Variants in PLD5 observed in about 807,000 individuals in gnomAD.
The protein encoded by PLD5 is inactive phospholipase D5.
In PLD5, 36 loss-of-function variants were observed where a neutral mutation model predicts 61.1. That is an observed-to-expected ratio of 0.59 (90% CI 0.45 to 0.78). The LOEUF is 0.78. PLD5 is among the 30% of genes least tolerant of loss of function. The pLI, the probability that PLD5 is intolerant of heterozygous loss-of-function variation, is 0.00. For synonymous variants in PLD5, 243 were observed against 242.8 expected, an observed-to-expected ratio of 1.00 and a Z score of -0.01; for missense variants, 515 against 644.4, an observed-to-expected ratio of 0.80 and a Z score of 2.17.
chr1:242,349,831 G>T (rs1660372230), intron 1 of PLD5, among the ~76,000 whole-genome samples: 1 of 152,176 alleles, frequency 6.6e-6, no homozygotes, highest in Non-Finnish European at 1.5e-5. Flanking sequence ...AGTAGATGGG[G>T]ACTTTTGGGA....
At chr1:242,400,255 C>A (rs1441662678) in intron 1 of PLD5, among the ~76,000 whole-genome samples, 1 of 132,906 alleles carries the variant, frequency 7.5e-6, no homozygotes, top group Admixed American at 7.7e-5. Flanking sequence ...CCCCTTCCCA[C>A]CCACCCCCAC....
chr1:242,203,523 C>T (rs562230394), intron 5 of PLD5: 1 of 152,336 alleles, frequency 6.6e-6, no homozygotes, highest in Non-Finnish European at 1.5e-5. Context: ...GGAGGTGGAT[C>T]CCTCATGAGC....
intron 1 of PLD5, among the ~76,000 whole-genome samples, chr1:242,490,811 G>A (rs1462668228): frequency 6.6e-6 from 1 of 152,132 alleles, no homozygotes; most frequent in African/African-American, 2.4e-5. Context: ...GATGCTCCCT[G>A]AAGCCTTGGC....
intron 2 of PLD5, among the ~76,000 whole-genome samples, chr1:242,346,579 T>A (rs1466853070): frequency 6.6e-6 from 1 of 152,212 alleles, no homozygotes; most frequent in Non-Finnish European, 1.5e-5. Context: ...ATTACAGTAA[T>A]CACAAAACAA....
chr1:242,312,234 ATTT>A (rs55943187), intron 2 of PLD5, among the ~76,000 whole-genome samples: 168 of 148,672 alleles, frequency 1.1e-3, no homozygotes, highest in African/African-American at 4.0e-3. Context: ...AACAGGCCAG[ATTT>A]TTTTTTTTAA....
chr1:242,226,897 T>C (rs1472386198), intron 4 of PLD5, among the ~76,000 whole-genome samples: 1 of 152,220 alleles, frequency 6.6e-6, no homozygotes, highest in Non-Finnish European at 1.5e-5. Flanking sequence ...AATTCTGTGT[T>C]AAAATTTAAG....
intron 2 of PLD5, among the ~76,000 whole-genome samples, chr1:242,310,008 C>T (rs888150388): frequency 1.3e-5 from 2 of 151,310 alleles, no homozygotes; most frequent in African/African-American, 4.9e-5. Flanking sequence ...TCAGTCTTCA[C>T]ACTTAAATGC....
chr1:242,161,002 G>T (rs1283085920), intron 5 of PLD5, among the ~76,000 whole-genome samples: 1 of 127,824 alleles, frequency 7.8e-6, no homozygotes, highest in East Asian at 2.1e-4. Flanking sequence ...CAGCATATGG[G>T]GACTTATATT....
chr1:242,313,246 C>T (rs1220155536), intron 2 of PLD5, among the ~76,000 whole-genome samples: 1 of 152,210 alleles, frequency 6.6e-6, no homozygotes, highest in Non-Finnish European at 1.5e-5. Flanking sequence ...GCTTTAATCA[C>T]AAACTTTTCC....
chr1:242,252,358 G>T (rs1672751663), intron 4 of PLD5, among the ~76,000 whole-genome samples: 1 of 152,158 alleles, frequency 6.6e-6, no homozygotes. Context: ...TCACTCATGA[G>T]GATAATGAAT....
chr1:242,492,447 G>A (rs147468756), intron 1 of PLD5, among the ~76,000 whole-genome samples: 55 of 148,018 alleles, frequency 3.7e-4, no homozygotes, highest in African/African-American at 8.8e-4. Flanking sequence ...GCTTGAGCCC[G>A]GGAGGCAGAG....
intron 1 of PLD5, among the ~76,000 whole-genome samples, chr1:242,398,426 T>C (rs1383894369): frequency 6.6e-6 from 1 of 152,212 alleles, no homozygotes; most frequent in African/African-American, 2.4e-5. Flanking sequence ...AACAACTCCA[T>C]TATGATCACT....
intron 7 of PLD5, among the ~76,000 whole-genome samples, chr1:242,111,515 A>G (rs1661498403): frequency 6.6e-6 from 1 of 152,008 alleles, no homozygotes; most frequent in South Asian, 2.1e-4. Flanking sequence ...TTGGGAGTGT[A>G]TGATTTTTTT....
rs1170466004 is a variant in PLD5 at position 242,088,833 on chromosome 1, A to C, written c.*1021T>G. 6.5e-6 allele frequency: 1 copy of C among 152,760 alleles called. No individual in the cohort carries two copies. The highest frequency in any genetic ancestry group is 1.9e-4 in the East Asian group (1 of 5,214). The allele number at this position is 152,760 out of a possible 1,614,324, so 9.5% of individuals were successfully genotyped here. On this transcript the variant is annotated 3_prime_UTR_variant, in exon 10 of 10. Transcript: ENST00000536534. ...TTCTCTGAAAAGCATTTGGTATATT[A>C]AATAGCAGAAGGTATATTAAATAGC...
chr1:242,503,172 C>A (rs1668611693), intron 1 of PLD5, among the ~76,000 whole-genome samples: 1 of 151,998 alleles, frequency 6.6e-6, no homozygotes, highest in Non-Finnish European at 1.5e-5. Flanking sequence ...GAAATGTCAC[C>A]CCAGTGTTGG....
chr1:242,107,953 T>C (rs1184814161), intron 7 of PLD5, 114 bp from the exon 8 acceptor site: 3 of 1,007,024 alleles, frequency 3.0e-6, no homozygotes, highest in East Asian at 5.4e-5. Flanking sequence ...TCCTGTAATA[T>C]ATATAAGCAA....
intron 5 of PLD5, among the ~76,000 whole-genome samples, chr1:242,197,998 A>C (rs1574496650): frequency 6.6e-6 from 1 of 152,066 alleles, no homozygotes; most frequent in South Asian, 2.1e-4. Flanking sequence ...GAAGGAAAAC[A>C]CCCTCGGCCT....
intron 5 of PLD5, among the ~76,000 whole-genome samples, chr1:242,136,268 A>G (rs1193641798): frequency 6.6e-6 from 1 of 152,214 alleles, no homozygotes; most frequent in Non-Finnish European, 1.5e-5. Context: ...ATGAATTTGA[A>G]TCAGGTGTGA....
rs1214249190 is a variant in PLD5, at chr1:242,100,780, T to C, written c.1242A>G (p.Lys414=). The part of the protein sequence containing the change: ...TEIANCSLKV[K]FFDLERENAC... ...CATTCTCTCTTTCCAGATCAAAAAA[T>C]TTCTGTAAGAAAAAAAAAAAGGGGG... The change falls in exon 9 of 10, where the codon AAA becomes AAG. Residue 414 remains lysine, a splice_region_variant and synonymous_variant. Transcript: ENST00000536534. The C allele has an allele frequency of 1.2e-6, 2 of 1,606,982 alleles. No homozygotes were observed. Among genetic ancestry groups the C allele is most frequent in the South Asian group, 1.1e-5 (1 of 90,138 alleles).
Sources: gnomAD v4.1 joint callset for allele counts (sites outside exome capture counted in the v4.1 genomes callset) on GRCh38, gnomAD v4.1.1 for gene constraint, MANE v1.5 for transcripts, NCBI Gene and HGNC (gene_info 2026-07-23, HGNC 2026-07-21) for gene names.